RGS6: variants seen among roughly 807,000 people sequenced by gnomAD.
RGS6 encodes the protein regulator of G protein signaling 6.
A neutral mutation model predicts 78.5 loss-of-function variants in RGS6; 30 were observed. The observed-to-expected ratio is 0.38, with a 90% CI of 0.29 to 0.52. The LOEUF is 0.52. RGS6 is among the 20% of genes least tolerant of loss of function. RGS6 has a pLI of 0.85. For synonymous variants in RGS6, 206 were observed against 206.0 expected (o/e 1.00, Z 0.00); for missense variants, 495 against 609.7 (o/e 0.81, Z 1.98).
At chr14:72,418,851 TG>T (rs2093997524) in intron 3 of RGS6, among the ~76,000 whole-genome samples, 1 of 152,250 alleles carries the variant, frequency 6.6e-6, no homozygotes, top group South Asian at 2.1e-4. Flanking sequence ...GAGGCAAGGC[TG>T]GCGCCTGGGC....
Position 72,243,097 on chromosome 14 carries a change from G to A in RGS6, c.85-108998G>A, listed in dbSNP as rs543482502. On this transcript the variant is annotated intron_variant, in intron 2 of 17. Coordinates refer to ENST00000553525, the MANE Select transcript of RGS6 (RefSeq NM_001204424.2). ...AAACTTCTGACCTGACGATCCACCC[G>A]CCTCGGCCTCCCAAAGTGCTGGGAT... is the stretch of plus-strand genomic sequence containing the variant. Among the ~76,000 whole-genome samples, 6 of 151,998 alleles carry A rather than the reference G, an allele frequency of 3.9e-5. No individual in the cohort carries two copies. In the South Asian group the frequency reaches 1.2e-3, roughly 32 times the overall value.
At chr14:72,220,290 C>G (rs2046558198) in intron 2 of RGS6, among the ~76,000 whole-genome samples, 1 of 152,016 alleles carries the variant, frequency 6.6e-6, no homozygotes, top group South Asian at 2.1e-4. Flanking sequence ...TGAATTGTTC[C>G]TGGATCTACA....
chr14:72,510,371 T>C, intron 14 of RGS6, 92 bp downstream of exon 14: 1 of 1,513,530 alleles, frequency 6.6e-7, no homozygotes, highest in Non-Finnish European at 9.1e-7. Flanking sequence ...CAATGAAACG[T>C]TATCAGGGTT....
At chr14:72,319,102 C>G (rs763067901) in intron 2 of RGS6, among the ~76,000 whole-genome samples, 4 of 152,040 alleles carry the variant, frequency 2.6e-5, no homozygotes, top group South Asian at 4.1e-4. Context: ...TGTAATATGC[C>G]ATACATGACA....
intron 2 of RGS6, among the ~76,000 whole-genome samples, chr14:71,981,954 A>C (rs1341334764): frequency 1.3e-5 from 2 of 149,004 alleles, no homozygotes; most frequent in Non-Finnish European, 3.0e-5. Context: ...TGGGCGTAGG[A>C]CCCTCCGAGC....
chr14:71,992,503 G>A (rs2095004404), intron 2 of RGS6, among the ~76,000 whole-genome samples: 1 of 152,190 alleles, frequency 6.6e-6, no homozygotes, highest in Non-Finnish European at 1.5e-5. Context: ...CCTGTGTAGT[G>A]TAGGTATTAT....
At chr14:72,519,033 A>G (rs994478444) in intron 15 of RGS6, among the ~76,000 whole-genome samples, 3 of 152,226 alleles carry the variant, frequency 2.0e-5, no homozygotes, top group Non-Finnish European at 4.4e-5. Flanking sequence ...ATAAGATACC[A>G]CAAAGAACAG....
intron 2 of RGS6, among the ~76,000 whole-genome samples, chr14:72,150,546 C>T (rs761807924): frequency 5.3e-5 from 8 of 152,014 alleles, no homozygotes; most frequent in Non-Finnish European, 1.0e-4. Context: ...AGAGGATCCC[C>T]AGGCTCTATG....
At chr14:71,917,303 G>A in the RGS6 span, among the ~76,000 whole-genome samples, 8 of 152,130 alleles carry the variant, frequency 5.3e-5, no homozygotes, top group Non-Finnish European at 7.4e-5. Flanking sequence ...TGTTGGGATC[G>A]CATGGTACAC....
intron 2 of RGS6, among the ~76,000 whole-genome samples, chr14:72,258,051 C>G (rs1232940205): frequency 2.0e-5 from 3 of 152,186 alleles, no homozygotes; most frequent in African/African-American, 7.2e-5. Flanking sequence ...TAATTCAATT[C>G]TAGGTCAAGA....
chr14:72,491,769 A>G (rs573433830), intron 12 of RGS6, among the ~76,000 whole-genome samples: 58 of 152,314 alleles, frequency 3.8e-4, no homozygotes, highest in Non-Finnish European at 7.2e-4. Flanking sequence ...GTGATGTGAC[A>G]AAGTGAGCCA....
At chr14:72,260,384 A>G (rs545921204) in intron 2 of RGS6, among the ~76,000 whole-genome samples, 1 of 152,356 alleles carries the variant, frequency 6.6e-6, no homozygotes, top group East Asian at 1.9e-4. Context: ...ATGAGTGATA[A>G]TTATCTAATA....
At chr14:72,088,098 C>T (rs919618792) in intron 2 of RGS6, among the ~76,000 whole-genome samples, 5 of 152,196 alleles carry the variant, frequency 3.3e-5, no homozygotes, top group African/African-American at 1.2e-4. Context: ...CCATCTCCTT[C>T]TGCATTTGAG....
chr14:72,499,505 T>G (rs2096691335), intron 13 of RGS6, among the ~76,000 whole-genome samples: 1 of 152,214 alleles, frequency 6.6e-6, no homozygotes, highest in Non-Finnish European at 1.5e-5. Context: ...TTTTCTTCTC[T>G]GATGCCTCCA....
chr14:72,383,726 G>A (rs2086961852), intron 3 of RGS6, among the ~76,000 whole-genome samples: 1 of 152,044 alleles, frequency 6.6e-6, no homozygotes, highest in South Asian at 2.1e-4. Context: ...TCTCAAGAAT[G>A]GGCATTTATC....
intron 2 of RGS6, among the ~76,000 whole-genome samples, chr14:72,063,412 G>T (rs2093987171): frequency 6.6e-6 from 1 of 152,192 alleles, no homozygotes; most frequent in Non-Finnish European, 1.5e-5. Flanking sequence ...GGAGATCATG[G>T]TGACATTGAC....
chr14:72,304,902 A>G (rs1392551570), intron 2 of RGS6, among the ~76,000 whole-genome samples: 1 of 152,192 alleles, frequency 6.6e-6, no homozygotes, highest in African/African-American at 2.4e-5. Flanking sequence ...AAAAAAATTA[A>G]TAAACATTGC....
At chr14:72,390,823 A>T (rs2089777680) in intron 3 of RGS6, among the ~76,000 whole-genome samples, 1 of 152,224 alleles carries the variant, frequency 6.6e-6, no homozygotes, top group Non-Finnish European at 1.5e-5. Context: ...GCAAGGACTC[A>T]TGGCTAAATA....
intron 3 of RGS6, among the ~76,000 whole-genome samples, chr14:72,375,601 C>T (rs1447824277): frequency 6.6e-6 from 1 of 152,184 alleles, no homozygotes; most frequent in African/African-American, 2.4e-5. Context: ...TGGTCCCAAC[C>T]CCAGTGAGCC....
Sources: allele counts gnomAD v4.1 joint callset (sites outside exome capture counted in the v4.1 genomes callset), GRCh38; gene constraint gnomAD v4.1.1; transcripts MANE v1.5; gene names NCBI Gene and HGNC (gene_info 2026-07-23, HGNC 2026-07-21).